ANKS1B: variants seen among roughly 807,000 people sequenced by gnomAD.
The protein encoded by ANKS1B is ankyrin repeat and sterile alpha motif domain containing 1B.
ANKS1B carries 36 observed loss-of-function variants against 148.3 expected under a neutral mutation model. The observed-to-expected ratio is 0.24, with a 90% CI of 0.19 to 0.32. ANKS1B has a LOEUF of 0.32. ANKS1B is among the 10% of genes least tolerant of loss of function. ANKS1B has a pLI of 1.00. For synonymous variants in ANKS1B, 542 were observed against 560.8 expected (o/e 0.97, Z 0.47); for missense variants, 1,157 against 1,542.6 (o/e 0.75, Z 4.19).
intron 17 of ANKS1B, among the ~76,000 whole-genome samples, chr12:98,881,646 A>C (rs2099708421): frequency 6.6e-6 from 1 of 152,158 alleles, no homozygotes; most frequent in African/African-American, 2.4e-5. Context: ...TGCTAATATT[A>C]TATATTGTGA....
At chr12:99,579,732 T>A (rs886791063) in intron 9 of ANKS1B, among the ~76,000 whole-genome samples, 6 of 152,254 alleles carry the variant, frequency 3.9e-5, no homozygotes, top group Middle Eastern at 6.8e-3. Flanking sequence ...GAAAAGGGAA[T>A]GCTCATACTT....
intron 15 of ANKS1B, among the ~76,000 whole-genome samples, chr12:99,088,838 G>GTTT (rs386377539): frequency 0.43 from 29,742 of 69,634 alleles, 8,597 homozygotes; most frequent in East Asian, 0.57. Context: ...TTTAACTTCT[G>GTTT]TTTTTTTTTT....
chr12:99,162,783 C>T (rs184449861), intron 14 of ANKS1B, among the ~76,000 whole-genome samples: 4 of 152,238 alleles, frequency 2.6e-5, no homozygotes, highest in East Asian at 1.9e-4. Flanking sequence ...TTCTACTGGC[C>T]GGGCGTGGTG....
chr12:99,009,991 G>A (rs1027416688), intron 17 of ANKS1B, among the ~76,000 whole-genome samples: 1 of 152,180 alleles, frequency 6.6e-6, no homozygotes, highest in African/African-American at 2.4e-5. Flanking sequence ...AGATGTTGGA[G>A]GTAATAGACA....
At chr12:99,609,641 G>A (rs1270449771) in intron 9 of ANKS1B, among the ~76,000 whole-genome samples, 1 of 151,922 alleles carries the variant, frequency 6.6e-6, no homozygotes, top group Non-Finnish European at 1.5e-5. Context: ...CAACACTTGT[G>A]CTCTCTGGCT....
At chr12:99,628,873 TCACCTCTTAATGGTCC>T (rs1237236268) in intron 9 of ANKS1B, among the ~76,000 whole-genome samples, 6 of 152,180 alleles carry the variant, frequency 3.9e-5, no homozygotes, top group Admixed American at 6.6e-5. Flanking sequence ...TGTAACCTAA[TCACCTCTTAATGGTCC>T]CACCTCTTAA....
intron 14 of ANKS1B, among the ~76,000 whole-genome samples, chr12:99,216,942 C>A (rs1209059097): frequency 1.3e-5 from 2 of 152,168 alleles, no homozygotes; most frequent in African/African-American, 4.8e-5. Flanking sequence ...ATGCAGTCCT[C>A]ATCCCCTGTC....
intron 18 of ANKS1B, among the ~76,000 whole-genome samples, chr12:98,830,089 A>T (rs1001731349): frequency 6.6e-6 from 1 of 151,938 alleles, no homozygotes; most frequent in Admixed American, 6.5e-5. Context: ...GTTCCCCTAA[A>T]TCTCTTCCAG....
chr12:99,383,863 A>AAAAAG (rs796387805), intron 12 of ANKS1B, among the ~76,000 whole-genome samples: 1 of 142,356 alleles, frequency 7.0e-6, no homozygotes, highest in Non-Finnish European at 1.5e-5. Context: ...AAAAAAAAAA[A>AAAAAG]AAAAGAAAAG....
chr12:99,941,679 T>C (rs913029499), intron 1 of ANKS1B, among the ~76,000 whole-genome samples: 6 of 152,040 alleles, frequency 3.9e-5, no homozygotes, highest in African/African-American at 1.4e-4. Context: ...TGAAAACTGA[T>C]CTCCTAGCTA....
intron 1 of ANKS1B, among the ~76,000 whole-genome samples, chr12:99,855,263 C>T (rs920769879): frequency 9.2e-5 from 14 of 152,106 alleles, no homozygotes; most frequent in African/African-American, 3.4e-4. Flanking sequence ...AATATATATT[C>T]TTATATTCAA....
chr12:99,277,678 A>C (rs1159007611), intron 12 of ANKS1B, among the ~76,000 whole-genome samples: 1 of 152,162 alleles, frequency 6.6e-6, no homozygotes, highest in Non-Finnish European at 1.5e-5. Context: ...ACTGAACCCT[A>C]TGCAGTCAAG....
At chr12:99,493,582 T>A (rs2096574885) in intron 10 of ANKS1B, among the ~76,000 whole-genome samples, 1 of 152,190 alleles carries the variant, frequency 6.6e-6, no homozygotes, top group Non-Finnish European at 1.5e-5. Flanking sequence ...CATCCTACTG[T>A]TTATTCCAGC....
At chr12:98,902,113 G>C (rs1168149497) in intron 17 of ANKS1B, among the ~76,000 whole-genome samples, 1 of 151,500 alleles carries the variant, frequency 6.6e-6, no homozygotes, top group Non-Finnish European at 1.5e-5. Context: ...AGCAGGCTTG[G>C]AATCCAAGGG....
Position 99,984,169 on chromosome 12 carries a change from C to G in ANKS1B, c.69G>C (p.Leu23=). Residue 23 remains leucine, a synonymous_variant, in exon 1 of 27, where the codon CTG becomes CTC. Coordinates refer to ENST00000683438, the MANE Select transcript of ANKS1B (RefSeq NM_001352186.2). ...TGNVALVEKL[L]SGRKGGILGG... ...CCAGGATCCCTCCTTTCCTGCCAGA[C>G]AGGAGTTTCTCCACCAGAGCCACAT... 1 of 1,613,952 alleles carries G rather than the reference C, an allele frequency of 6.2e-7. No individual in the cohort carries two copies. Among genetic ancestry groups the G allele is most frequent in the Non-Finnish European group, 8.5e-7 (1 of 1,179,870 alleles).
At chr12:99,500,610 A>G (rs1230689706) in intron 10 of ANKS1B, among the ~76,000 whole-genome samples, 6 of 152,166 alleles carry the variant, frequency 3.9e-5, no homozygotes, top group Admixed American at 3.9e-4. Flanking sequence ...GTTAATAACA[A>G]TAGATAACTG....
At chr12:98,901,608 G>C (rs1034873238) in intron 17 of ANKS1B, among the ~76,000 whole-genome samples, 1 of 152,170 alleles carries the variant, frequency 6.6e-6, no homozygotes, top group Admixed American at 6.5e-5. Flanking sequence ...GTAGAGAGCA[G>C]GGTTTTCAAT....
chr12:99,272,999 C>G (rs552370963), intron 12 of ANKS1B, among the ~76,000 whole-genome samples: 2 of 152,216 alleles, frequency 1.3e-5, no homozygotes, highest in South Asian at 4.2e-4. Context: ...AGTGGTGGGA[C>G]AGGCATAGGA....
chr12:99,857,785 GA>G (rs976806770), intron 1 of ANKS1B, among the ~76,000 whole-genome samples: 3 of 152,104 alleles, frequency 2.0e-5, no homozygotes, highest in Non-Finnish European at 2.9e-5. Context: ...ATAAATAGGA[GA>G]AAAGACACCT....
Sources: allele counts gnomAD v4.1 joint callset (sites outside exome capture counted in the v4.1 genomes callset), GRCh38; gene constraint gnomAD v4.1.1; transcripts MANE v1.5; gene names NCBI Gene and HGNC (gene_info 2026-07-23, HGNC 2026-07-21).